The following DGKI variants were observed in gnomAD, a reference collection of about 807,000 sequenced individuals.
DGKI encodes the protein diacylglycerol kinase iota, also known as DAG kinase iota.
DGKI carries 55 observed loss-of-function variants against 147.5 expected under a neutral mutation model. The observed-to-expected ratio is 0.37, with a 90% confidence interval of 0.30 to 0.47. The LOEUF (loss-of-function observed/expected upper bound fraction) is 0.47. Ranked by LOEUF, DGKI falls within the 20% of genes least tolerant of loss-of-function variation. The pLI is 1.00. For synonymous variants in DGKI, 469 were observed against 477.1 expected, an observed-to-expected ratio of 0.98 and a Z score of 0.22; for missense variants, 1,007 against 1,323.8, an observed-to-expected ratio of 0.76 and a Z score of 3.71.
chr7:137,460,534 T>C (rs1223346665), intron 27 of DGKI, among the ~76,000 whole-genome samples: 1 of 152,166 alleles, frequency 6.6e-6, no homozygotes, highest in Non-Finnish European at 1.5e-5. Context: ...TTATCCAAAA[T>C]GCTTGGGACC....
chr7:137,561,648 T>C (rs1585233275), intron 19 of DGKI, among the ~76,000 whole-genome samples: 1 of 152,208 alleles, frequency 6.6e-6, no homozygotes, highest in African/African-American at 2.4e-5. Flanking sequence ...CTGTACATTA[T>C]ATGTGTTGAA....
intron 32 of DGKI, among the ~76,000 whole-genome samples, chr7:137,392,686 C>T (rs1462560335): frequency 1.3e-5 from 2 of 152,162 alleles, no homozygotes; most frequent in Non-Finnish European, 2.9e-5. Context: ...TTTTATTCAA[C>T]TTGTTTGCAG....
intron 1 of DGKI, among the ~76,000 whole-genome samples, chr7:137,783,309 G>A (rs1313706562): frequency 1.3e-5 from 2 of 152,012 alleles, no homozygotes; most frequent in East Asian, 1.9e-4. Flanking sequence ...TGGAAATCAA[G>A]GACACACAGA....
At chr7:137,738,731 C>G (rs199554280) in intron 1 of DGKI, among the ~76,000 whole-genome samples, 4 of 150,334 alleles carry the variant, frequency 2.7e-5, no homozygotes, top group Non-Finnish European at 4.4e-5. Flanking sequence ...GGTTCCCCCC[C>G]CCCCTTTCCT....
intron 21 of DGKI, among the ~76,000 whole-genome samples, chr7:137,496,726 CT>C (rs1375561112): frequency 6.6e-6 from 1 of 152,056 alleles, no homozygotes; most frequent in Non-Finnish European, 1.5e-5. Context: ...ATAAATGGTG[CT>C]GGAATAACCG....
At chr7:137,473,332 C>A (rs1423167317) in intron 23 of DGKI, among the ~76,000 whole-genome samples, 1 of 152,050 alleles carries the variant, frequency 6.6e-6, no homozygotes. Flanking sequence ...ACACATGGGT[C>A]GCCATAAAGC....
chr7:137,554,115 A>G (rs1357695148), intron 19 of DGKI, among the ~76,000 whole-genome samples: 1 of 152,240 alleles, frequency 6.6e-6, no homozygotes, highest in East Asian at 1.9e-4. Context: ...GCATTTCACA[A>G]TCAATCCAAG....
At chr7:137,568,638 C>T (rs1388270491) in intron 19 of DGKI, among the ~76,000 whole-genome samples, 1 of 152,200 alleles carries the variant, frequency 6.6e-6, no homozygotes, top group Non-Finnish European at 1.5e-5. Context: ...GCACAGGTTG[C>T]TTGCTTCCTC....
At chr7:137,714,451 C>T (rs766330085) in intron 1 of DGKI, among the ~76,000 whole-genome samples, 4 of 151,184 alleles carry the variant, frequency 2.6e-5, no homozygotes, top group Non-Finnish European at 5.9e-5. Flanking sequence ...AGATGTTTAC[C>T]CTAAATAGAG....
chr7:137,436,728 T>G (rs1341780565), intron 28 of DGKI, among the ~76,000 whole-genome samples: 1 of 152,192 alleles, frequency 6.6e-6, no homozygotes, highest in Non-Finnish European at 1.5e-5. Flanking sequence ...ATCACACTTA[T>G]GAACATGGAT....
At chr7:137,563,773 CAT>C (rs1439629117) in intron 19 of DGKI, among the ~76,000 whole-genome samples, 5 of 151,988 alleles carry the variant, frequency 3.3e-5, no homozygotes, top group Non-Finnish European at 5.9e-5. Context: ...AGCTACAAAA[CAT>C]TGTTGATGGA....
intron 19 of DGKI, among the ~76,000 whole-genome samples, chr7:137,558,974 A>C (rs1009266561): frequency 1.3e-5 from 2 of 148,214 alleles, no homozygotes; most frequent in African/African-American, 2.5e-5. Flanking sequence ...CGATAAATTC[A>C]GTTTCCTCAT....
intron 1 of DGKI, among the ~76,000 whole-genome samples, chr7:137,705,355 A>G (rs2116532559): frequency 6.6e-6 from 1 of 152,254 alleles, no homozygotes; most frequent in African/African-American, 2.4e-5. Flanking sequence ...TAAAGAAACT[A>G]TGGTATATTT....
At chr7:137,749,962 G>A (rs1176000359) in intron 1 of DGKI, among the ~76,000 whole-genome samples, 2 of 152,292 alleles carry the variant, frequency 1.3e-5, no homozygotes, top group South Asian at 2.1e-4. Flanking sequence ...TTGGGTAGGA[G>A]CAGAAGTGCA....
At chr7:137,529,046 C>A (rs149363804) in intron 20 of DGKI, among the ~76,000 whole-genome samples, 1 of 152,178 alleles carries the variant, frequency 6.6e-6, no homozygotes, top group Non-Finnish European at 1.5e-5. Flanking sequence ...TGCAAACAGA[C>A]TATAAGCATC....
At chr7:137,535,516 C>T (rs908151795) in intron 20 of DGKI, among the ~76,000 whole-genome samples, 5 of 151,954 alleles carry the variant, frequency 3.3e-5, no homozygotes, top group Non-Finnish European at 4.4e-5. Flanking sequence ...GTACTACCCC[C>T]AAACCTTCCT....
rs1249859475 is a variant in DGKI, at chr7:137,474,672, C to CA, written c.2374-5054dup. Among the ~76,000 whole-genome samples, 5 of 152,044 alleles carry CA rather than the reference C, an allele frequency of 3.3e-5. No individual in the cohort carries two copies. In the South Asian group the frequency reaches 8.3e-4, roughly 25 times the overall value. On this transcript the variant is annotated intron_variant, in intron 23 of 32. Transcript: ENST00000614521. ...ACAGACAAGCTAAGAATTGAGATGCCAAAAAATGTTCCTGTCCTTGAGGTG... is the reference window on the plus strand; with the variant it reads ...ACAGACAAGCTAAGAATTGAGATGCCAAAAAAATGTTCCTGTCCTTGAGGTG...
In DGKI at chr7:137,611,376, T is replaced by A. The variant is rs369762968; in HGVS notation, c.994-1767A>T. Among the ~76,000 whole-genome samples, 138 of 152,304 alleles carry A rather than the reference T, an allele frequency of 9.1e-4. 2 individuals carry two copies. The highest frequency in any genetic ancestry group is 3.2e-3 in the African/African-American group (135 of 41,570). On this transcript the variant is annotated intron_variant, in intron 8 of 32. Coordinates refer to ENST00000614521, the MANE Select transcript of DGKI (RefSeq NM_001321708.2). The stretch of plus-strand genomic sequence containing the variant: ...CCGGGCCCCATCAACTATTCTTTCA[T>A]CTGTTTGGGGTAAAGCCCAGGCAAG...
chr7:137,764,415 T>A (rs563780403), intron 1 of DGKI, among the ~76,000 whole-genome samples: 56 of 152,302 alleles, frequency 3.7e-4, no homozygotes, highest in African/African-American at 1.3e-3. Flanking sequence ...CCAGGATGGC[T>A]CCTGTTTAAT....
Sources: gnomAD v4.1 joint callset for allele counts (sites outside exome capture counted in the v4.1 genomes callset) on GRCh38, gnomAD v4.1.1 for gene constraint, MANE v1.5 for transcripts, NCBI Gene and HGNC (gene_info 2026-07-23, HGNC 2026-07-21) for gene names.